Variants in CHN2 observed in about 807,000 individuals in gnomAD.
The protein encoded by CHN2 is beta-chimaerin.
In CHN2, 35 loss-of-function variants were observed where a neutral mutation model predicts 56.3. That is an observed-to-expected ratio of 0.62 (90% CI 0.47 to 0.82). The LOEUF is 0.82. Among genes scored for constraint, CHN2 ranks in the 40% least tolerant of loss-of-function variants. CHN2 has a pLI of 0.00. For synonymous variants in CHN2, 210 were observed against 212.8 expected (o/e 0.99, Z 0.12); for missense variants, 491 against 580.5 (o/e 0.85, Z 1.58).
At chr7:29,282,683 A>G (rs1282369826) in intron 1 of CHN2, among the ~76,000 whole-genome samples, 1 of 152,232 alleles carries the variant, frequency 6.6e-6, no homozygotes, top group Non-Finnish European at 1.5e-5. Flanking sequence ...GGGAAAATAA[A>G]TTTGATACCT....
intron 1 of CHN2, chr7:29,336,151 CT>C (rs1796601751): frequency 6.6e-6 from 1 of 152,176 alleles, no homozygotes; most frequent in Non-Finnish European, 1.5e-5. Flanking sequence ...GAGAATCTCC[CT>C]TGTGGCCCTC....
At chr7:29,287,082 C>T (rs1384135975) in intron 1 of CHN2, among the ~76,000 whole-genome samples, 3 of 152,184 alleles carry the variant, frequency 2.0e-5, no homozygotes, top group African/African-American at 7.2e-5. Flanking sequence ...GTGGAGTCCC[C>T]TCTATGCTCT....
In CHN2 at chr7:29,194,985, C is replaced by T. The variant is rs1294817791; in HGVS notation, c.44C>T (p.Ser15Phe). ...TCCAGCCTGTCCGGCTCGTCGGTGT[C>T]CTCCGGTGAGTTTCAGCCCGTCGGG... ...SNSSLSGSSV[S>F]SDAEEYQPPI... Residue 15 changes from serine to phenylalanine, a missense_variant, in exon 1 of 13, where the codon TCC becomes TTC. Coordinates refer to ENST00000222792, the MANE Select transcript of CHN2 (RefSeq NM_004067.4). 3 of 1,586,950 alleles carry T rather than the reference C, an allele frequency of 1.9e-6. No individual in the cohort carries two copies. Among genetic ancestry groups the T allele is most frequent in the South Asian group, 1.1e-5 (1 of 87,742 alleles).
chr7:29,277,796 C>T (rs1321791683), intron 1 of CHN2, among the ~76,000 whole-genome samples: 1 of 152,202 alleles, frequency 6.6e-6, no homozygotes, highest in Admixed American at 6.5e-5. Context: ...ACCATGATGG[C>T]ATCAGCCTCT....
intron 6 of CHN2, among the ~76,000 whole-genome samples, chr7:29,405,900 A>T (rs986020884): frequency 3.9e-5 from 6 of 152,070 alleles, no homozygotes; most frequent in African/African-American, 1.4e-4. Flanking sequence ...TTGCCTAGGA[A>T]TGATTCCCTA....
chr7:29,480,436 T>G lies in CHN2; in HGVS notation c.654+80T>G, dbSNP rs1318846359. The G allele has an allele frequency of 6.3e-6, 9 of 1,419,002 alleles. No individual in the cohort carries two copies. In the Admixed American group the frequency reaches 1.4e-4, roughly 22 times the overall value. 87.9% of individuals were successfully genotyped at this position (1,419,002 alleles called of 1,614,324 possible). Reference sequence around the variant, plus strand: ...CAGTGTATAGTTTCCGTCTGGTTTCTGACTGTAAAGTCAAGAGACAATGAA... The same window carrying G: ...CAGTGTATAGTTTCCGTCTGGTTTCGGACTGTAAAGTCAAGAGACAATGAA... On this transcript the variant is annotated intron_variant, in intron 7 of 12. Coordinates refer to ENST00000222792, the MANE Select transcript of CHN2 (RefSeq NM_004067.4).
intron 2 of CHN2, chr7:29,184,491 A>G (rs1289246497): frequency 6.6e-6 from 1 of 152,180 alleles, no homozygotes; most frequent in Non-Finnish European, 1.5e-5. Flanking sequence ...CTGATGGTAT[A>G]GTTCCTGTCA....
intron 3 of CHN2, among the ~76,000 whole-genome samples, chr7:29,393,401 A>G (rs2128075104): frequency 6.6e-6 from 1 of 152,324 alleles, no homozygotes; most frequent in East Asian, 1.9e-4. Flanking sequence ...CAAATTCCTT[A>G]ATATTAAAAT....
At chr7:29,264,178 C>T (rs908097163) in intron 1 of CHN2, among the ~76,000 whole-genome samples, 20 of 138,820 alleles carry the variant, frequency 1.4e-4, no homozygotes, top group South Asian at 2.3e-4. Flanking sequence ...TCTGCCTGGC[C>T]GCCCTGTCTG....
intron 6 of CHN2, among the ~76,000 whole-genome samples, chr7:29,409,063 T>C (rs549974148): frequency 6.6e-6 from 1 of 152,340 alleles, no homozygotes; most frequent in Admixed American, 6.5e-5. Flanking sequence ...TCATCCCACT[T>C]TCCTCAAGTT....
intron 1 of CHN2, among the ~76,000 whole-genome samples, chr7:29,254,663 G>C (rs762888725): frequency 2.6e-5 from 4 of 152,052 alleles, no homozygotes; most frequent in Non-Finnish European, 4.4e-5. Flanking sequence ...TGGTTACCGG[G>C]GACTGGACAT....
chr7:29,279,973 C>T (rs750433319), intron 1 of CHN2, among the ~76,000 whole-genome samples: 4 of 151,984 alleles, frequency 2.6e-5, no homozygotes, highest in Non-Finnish European at 5.9e-5. Flanking sequence ...TCAAGAGGCC[C>T]CTAGGTGAGA....
intron 1 of CHN2, among the ~76,000 whole-genome samples, chr7:29,318,274 G>A (rs114422224): frequency 0.013 from 1,988 of 152,302 alleles, 50 homozygotes; most frequent in African/African-American, 0.043. Flanking sequence ...TGCAAATAAA[G>A]TTTTATTGGA....
chr7:29,211,613 C>A (rs573478268), intron 1 of CHN2, among the ~76,000 whole-genome samples: 1 of 152,242 alleles, frequency 6.6e-6, no homozygotes, highest in African/African-American at 2.4e-5. Flanking sequence ...AAGTTGATTT[C>A]AGAATCCACT....
At chr7:29,178,729 G>A (rs1446824759) in intron 2 of CHN2, among the ~76,000 whole-genome samples, 3 of 152,146 alleles carry the variant, frequency 2.0e-5, no homozygotes, top group African/African-American at 7.2e-5. Flanking sequence ...TTGAATGACT[G>A]TTTGGCATTA....
intron 1 of CHN2, 42 bp from the exon 2 acceptor site, chr7:29,354,583 G>A (rs368868515): frequency 2.0e-5 from 32 of 1,565,614 alleles, no homozygotes; most frequent in East Asian, 1.6e-4. Flanking sequence ...ACAGCTTGAC[G>A]TTCAGGCTGA....
At chr7:29,255,281 C>T (rs1788979164) in intron 1 of CHN2, among the ~76,000 whole-genome samples, 3 of 152,188 alleles carry the variant, frequency 2.0e-5, no homozygotes, top group East Asian at 1.9e-4. Flanking sequence ...GGAAGGCCAT[C>T]GAGCTCACTT....
intron 2 of CHN2, among the ~76,000 whole-genome samples, chr7:29,162,570 A>G (rs2128712647): frequency 6.6e-6 from 1 of 151,622 alleles, no homozygotes; most frequent in Admixed American, 6.6e-5. Flanking sequence ...CTGAGGCAGG[A>G]GAATCACTTG....
intron 1 of CHN2, among the ~76,000 whole-genome samples, chr7:29,247,171 A>G (rs1788142921): frequency 6.6e-6 from 1 of 152,210 alleles, no homozygotes; most frequent in African/African-American, 2.4e-5. Flanking sequence ...CACTCCAGGT[A>G]GAGGGAACAG....
Sources: gnomAD v4.1 joint callset for allele counts (sites outside exome capture counted in the v4.1 genomes callset) on GRCh38, gnomAD v4.1.1 for gene constraint, MANE v1.5 for transcripts, NCBI Gene and HGNC (gene_info 2026-07-23, HGNC 2026-07-21) for gene names.